Variants in IRGM observed in about 807,000 individuals in gnomAD.
The protein encoded by IRGM is immunity-related GTPase family M protein.
For missense variants in IRGM, 288 were observed against 219.9 expected (o/e 1.31, Z -1.96); for synonymous variants, 98 against 80.6 (o/e 1.22, Z -1.16).
At chr5:150,886,406 G>GT (rs1754523284) in intron 3 of IRGM, among the ~76,000 whole-genome samples, 1 of 151,948 alleles carries the variant, frequency 6.6e-6, no homozygotes, top group Non-Finnish European at 1.5e-5. Context: ...GAATTATGCT[G>GT]TTTTTATAGA....
chr5:150,847,628 T>C (rs895906504), intron 1 of IRGM, 81 bp from the exon 2 acceptor site: 3 of 157,034 alleles, frequency 1.9e-5, no homozygotes, highest in South Asian at 3.8e-4. Flanking sequence ...GCAGTCTTCG[T>C]TGAGGGCTGG....
intron 1 of IRGM, among the ~76,000 whole-genome samples, chr5:150,875,273 A>C (rs1332746195): frequency 3.3e-5 from 5 of 152,212 alleles, no homozygotes; most frequent in African/African-American, 1.2e-4. Flanking sequence ...ACCTCTTTCT[A>C]GGACATCCCT....
chr5:150,893,059 C>A (rs2217266), intron 3 of IRGM, among the ~76,000 whole-genome samples: 31,765 of 151,874 alleles, frequency 0.21, 5,357 homozygotes, highest in African/African-American at 0.45. Context: ...TTTCTTTTTG[C>A]CTGATCTATA....
At chr5:150,881,838 C>T (rs1754450486) in intron 3 of IRGM, among the ~76,000 whole-genome samples, 1 of 151,882 alleles carries the variant, frequency 6.6e-6, no homozygotes. Flanking sequence ...TTTATATAAG[C>T]CTTAGGAAAA....
At chr5:150,888,073 T>C (rs1189656446) in intron 3 of IRGM, among the ~76,000 whole-genome samples, 2 of 151,320 alleles carry the variant, frequency 1.3e-5, no homozygotes, top group Non-Finnish European at 3.0e-5. Flanking sequence ...ATGACACCCA[T>C]AGTCTCAAAA....
downstream of IRGM, among the ~76,000 whole-genome samples, chr5:150,853,581 C>T (rs889443565): frequency 6.6e-6 from 1 of 152,002 alleles, no homozygotes; most frequent in Non-Finnish European, 1.5e-5. Context: ...TTTGGAGATA[C>T]GATGTTTGGT....
intron 1 of IRGM, among the ~76,000 whole-genome samples, chr5:150,857,706 T>C (rs1306830981): frequency 6.6e-6 from 1 of 152,218 alleles, no homozygotes; most frequent in Non-Finnish European, 1.5e-5. Context: ...TTCATGTGTG[T>C]TTTGGCTGCA....
At chr5:150,851,883 G>A (rs189032452), downstream of IRGM, among the ~76,000 whole-genome samples, 1 of 152,260 alleles carries the variant, frequency 6.6e-6, no homozygotes, top group East Asian at 1.9e-4. Flanking sequence ...TAGTCATGTA[G>A]GTTTCCTACC....
chr5:150,893,297 T>C (rs1754646685), intron 3 of IRGM, among the ~76,000 whole-genome samples: 1 of 152,162 alleles, frequency 6.6e-6, no homozygotes. Flanking sequence ...TTGATCTACA[T>C]GATTACTCGT....
At chr5:150,868,031 G>T (rs1002017016) in intron 1 of IRGM, among the ~76,000 whole-genome samples, 2 of 151,836 alleles carry the variant, frequency 1.3e-5, no homozygotes, top group Non-Finnish European at 2.9e-5. Flanking sequence ...TTGGGTTCTT[G>T]GTCATGAAGT....
chr5:150,871,966 AATTTT>A (rs1754289108), intron 1 of IRGM, among the ~76,000 whole-genome samples: 2 of 152,134 alleles, frequency 1.3e-5, no homozygotes, highest in Admixed American at 6.6e-5. Flanking sequence ...AGATTTTTGT[AATTTT>A]ATGTTTGATT....
intron 1 of IRGM, among the ~76,000 whole-genome samples, chr5:150,855,885 A>G (rs1046880006): frequency 1.3e-5 from 2 of 152,220 alleles, no homozygotes; most frequent in Non-Finnish European, 2.9e-5. Context: ...GGAAAATTTG[A>G]TATCAATTAA....
At chr5:150,857,356 A>G (rs1415343892) in intron 1 of IRGM, among the ~76,000 whole-genome samples, 23 of 152,088 alleles carry the variant, frequency 1.5e-4, no homozygotes, top group Admixed American at 1.5e-3. Flanking sequence ...GTTGGTTCCA[A>G]GTCTTTGCTA....
intron 3 of IRGM, among the ~76,000 whole-genome samples, chr5:150,887,603 A>G (rs1000749277): frequency 6.6e-6 from 1 of 151,550 alleles, no homozygotes; most frequent in African/African-American, 2.4e-5. Flanking sequence ...GCAAGATTCT[A>G]CAGAAGAAGA....
At chr5:150,850,669 T>C (rs140600929), downstream of IRGM, among the ~76,000 whole-genome samples, 142 of 152,310 alleles carry the variant, frequency 9.3e-4, 1 homozygote, top group African/African-American at 3.3e-3. Context: ...TCTTCCTGCC[T>C]CAGCCTCCTG....
chr5:150,880,664 C>T (rs1352530562), intron 3 of IRGM, among the ~76,000 whole-genome samples: 1 of 152,156 alleles, frequency 6.6e-6, no homozygotes, highest in Non-Finnish European at 1.5e-5. Flanking sequence ...TACCTTCTTG[C>T]TATCATATTC....
In IRGM at chr5:150,864,522, T is replaced by C. The variant is rs376246170; in HGVS notation, c.159-13458T>C. ...TACTAGTCAACCCTTTCAAATCTCT[T>C]TACAATTCAATCCTCTCACCTGCAG... On this transcript the variant is annotated intron_variant and NMD_transcript_variant, in intron 1 of 3. Transcript: ENST00000520549. 1.7e-4 allele frequency among the ~76,000 whole-genome samples: 26 copies of C among 152,266 alleles called. No individual in the cohort carries two copies. In the South Asian group the frequency reaches 5.4e-3, roughly 32 times the overall value.
intron 3 of IRGM, among the ~76,000 whole-genome samples, chr5:150,883,218 T>C (rs1212756917): frequency 6.6e-6 from 1 of 152,076 alleles, no homozygotes; most frequent in Non-Finnish European, 1.5e-5. Context: ...GAAAAGCAGT[T>C]CTTTTTCTAA....
intron 3 of IRGM, among the ~76,000 whole-genome samples, chr5:150,885,031 G>C (rs1014900183): frequency 6.6e-6 from 1 of 152,060 alleles, no homozygotes; most frequent in Non-Finnish European, 1.5e-5. Flanking sequence ...TTGTCTTCCA[G>C]AATGTTTATA....
Sources: gnomAD v4.1 joint callset for allele counts (sites outside exome capture counted in the v4.1 genomes callset) on GRCh38, gnomAD v4.1.1 for gene constraint, MANE v1.5 for transcripts, NCBI Gene and HGNC (gene_info 2026-07-23, HGNC 2026-07-21) for gene names.